Variants in NOS1AP observed in about 807,000 individuals in gnomAD.
NOS1AP encodes the protein carboxyl-terminal PDZ ligand of neuronal nitric oxide synthase protein.
In NOS1AP, 21 loss-of-function variants were observed where a neutral mutation model predicts 56.2. That is an observed-to-expected ratio of 0.37 (90% CI 0.26 to 0.54). NOS1AP has a LOEUF of 0.54. Ranked by LOEUF, NOS1AP falls within the 20% of genes least tolerant of loss-of-function variation. The pLI is 0.84. For synonymous variants in NOS1AP, 270 were observed against 274.6 expected, an observed-to-expected ratio of 0.98 and a Z score of 0.17; for missense variants, 522 against 657.8, an observed-to-expected ratio of 0.79 and a Z score of 2.26.
chr1:162,259,948 A>G lies in NOS1AP; in HGVS notation c.178-27396A>G, dbSNP rs148452436. Among the ~76,000 whole-genome samples the G allele has an allele frequency of 4.6e-5, 7 of 152,136 alleles. No homozygotes were observed. In the East Asian group the frequency reaches 1.4e-3, roughly 29 times the overall value. On this transcript the variant is annotated intron_variant, in intron 2 of 9. Coordinates refer to ENST00000361897, the MANE Select transcript of NOS1AP (RefSeq NM_014697.3). ...ATACTCTCAAAAAGCATATTATCTA[A>G]CAGCTTACTTATTCCAATCAATTGT...
At chr1:162,251,078 G>T (rs1194420870) in intron 2 of NOS1AP, among the ~76,000 whole-genome samples, 3 of 151,844 alleles carry the variant, frequency 2.0e-5, no homozygotes, top group Non-Finnish European at 1.5e-5. Context: ...TTGTTTGTTT[G>T]TTTGTTTGTT....
rs982179682 is a variant in NOS1AP at position 162,248,955 on chromosome 1, T to C, written c.178-38389T>C. ...CCTTTTATCAAGGGGTGATGGACAA[T>C]AGATGATAGCAACAGTTTCTATGGT... On this transcript the variant is annotated intron_variant, in intron 2 of 9. Transcript: ENST00000361897. Among the ~76,000 whole-genome samples, 6 of 152,028 alleles carry C rather than the reference T, an allele frequency of 3.9e-5. No homozygotes were observed. In the East Asian group the frequency reaches 7.7e-4, roughly 20 times the overall value.
At chr1:162,120,875 A>G (rs1249270771) in intron 1 of NOS1AP, among the ~76,000 whole-genome samples, 1 of 152,176 alleles carries the variant, frequency 6.6e-6, no homozygotes, top group Non-Finnish European at 1.5e-5. Context: ...GATATTTACA[A>G]AAGTGTAGAT....
chr1:162,313,264 A>G (rs1462432180), intron 4 of NOS1AP, among the ~76,000 whole-genome samples: 1 of 152,230 alleles, frequency 6.6e-6, no homozygotes, highest in African/African-American at 2.4e-5. Flanking sequence ...GGTGAGGCAT[A>G]AGTTTTAAAA....
intron 2 of NOS1AP, among the ~76,000 whole-genome samples, chr1:162,201,309 C>CATATCCTTTAGTCTAGACTAATG (rs1425459494): frequency 1.3e-5 from 2 of 152,140 alleles, no homozygotes; most frequent in South Asian, 2.1e-4. Context: ...TGTAGTCTAT[C>CATATCCTTTAGTCTAGACTAATG]ATATCCTTTA....
rs534828786 is a variant in NOS1AP, at chr1:162,194,847, G to T, written c.177+40371G>T. Among the ~76,000 whole-genome samples, 4 of 152,190 alleles carry T rather than the reference G, an allele frequency of 2.6e-5. No individual in the cohort carries two copies. The South Asian group carries it at 8.3e-4, about 32-fold the overall frequency. ...ATTCTAGGAGAGCCATTTGAAATTGGGTTGGCACATTCAGTCCTGAAAAAG... is the reference window on the plus strand; with the variant it reads ...ATTCTAGGAGAGCCATTTGAAATTGTGTTGGCACATTCAGTCCTGAAAAAG... On this transcript the variant is annotated intron_variant, in intron 2 of 9. Coordinates refer to ENST00000361897, the MANE Select transcript of NOS1AP (RefSeq NM_014697.3).
chr1:162,283,496 G>A (rs1654997794), intron 2 of NOS1AP, among the ~76,000 whole-genome samples: 1 of 152,132 alleles, frequency 6.6e-6, no homozygotes, highest in Admixed American at 6.5e-5. Flanking sequence ...TGGGGTGTCA[G>A]GAGATGATTA....
chr1:162,300,384 C>T (rs1393843882), intron 3 of NOS1AP, among the ~76,000 whole-genome samples: 28 of 152,182 alleles, frequency 1.8e-4, no homozygotes, highest in Admixed American at 1.8e-3. Context: ...CCCCGAGTTC[C>T]CTAAGGACTT....
intron 3 of NOS1AP, among the ~76,000 whole-genome samples, chr1:162,293,376 T>A (rs2101745652): frequency 6.6e-6 from 1 of 152,358 alleles, no homozygotes; most frequent in African/African-American, 2.4e-5. Flanking sequence ...TACTTTAGCA[T>A]TCCTGAGGAA....
intron 2 of NOS1AP, among the ~76,000 whole-genome samples, chr1:162,231,183 G>T (rs1448991493): frequency 1.3e-5 from 2 of 152,146 alleles, no homozygotes; most frequent in African/African-American, 4.8e-5. Flanking sequence ...GCATCCTAAT[G>T]GATGTAAAGT....
At chr1:162,209,820 G>C (rs1429773940) in intron 2 of NOS1AP, among the ~76,000 whole-genome samples, 1 of 152,030 alleles carries the variant, frequency 6.6e-6, no homozygotes, top group Non-Finnish European at 1.5e-5. Flanking sequence ...GCAGAACCAG[G>C]CAATTGAAAA....
intron 5 of NOS1AP, among the ~76,000 whole-genome samples, chr1:162,341,771 G>A (rs1389883303): frequency 1.3e-5 from 2 of 152,196 alleles, no homozygotes; most frequent in Non-Finnish European, 2.9e-5. Context: ...GGGAATAACA[G>A]TTTCGGATGT....
chr1:162,273,600 C>T (rs1359886650), intron 2 of NOS1AP, among the ~76,000 whole-genome samples: 6 of 152,224 alleles, frequency 3.9e-5, no homozygotes, highest in Admixed American at 3.9e-4. Context: ...ATTCACTCCA[C>T]CTGAGGAGGA....
chr1:162,249,103 C>T (rs901375002), intron 2 of NOS1AP, among the ~76,000 whole-genome samples: 5 of 152,114 alleles, frequency 3.3e-5, no homozygotes, highest in Admixed American at 2.0e-4. Flanking sequence ...CAAGCTCTCC[C>T]GGGGTTTGGC....
At chr1:162,224,972 C>A (rs558963609) in intron 2 of NOS1AP, among the ~76,000 whole-genome samples, 4 of 152,302 alleles carry the variant, frequency 2.6e-5, no homozygotes, top group African/African-American at 9.6e-5. Flanking sequence ...GAAAAAGAAG[C>A]ATCTCAGTAA....
Position 162,305,631 on chromosome 1 carries a change from T to A in NOS1AP, c.344+4925T>A, listed in dbSNP as rs1265741428. 2.0e-5 allele frequency among the ~76,000 whole-genome samples: 3 copies of A among 152,336 alleles called. No homozygotes were observed. The East Asian group carries it at 5.8e-4, about 29-fold the overall frequency. ...GACTTCTTAATTTCAGAAAACAGTA[T>A]TTCCTCTTTAAAATATTAGCGTTTA... On this transcript the variant is annotated intron_variant, in intron 4 of 9. Transcript: ENST00000361897.
At chr1:162,309,454 AAT>A (rs1446404274) in intron 4 of NOS1AP, among the ~76,000 whole-genome samples, 3 of 152,262 alleles carry the variant, frequency 2.0e-5, no homozygotes, top group African/African-American at 7.2e-5. Flanking sequence ...TATCTTTAAG[AAT>A]ATGCTAAGTT....
At chr1:162,300,577 C>A in intron 3 of NOS1AP, 56 bp from the exon 4 acceptor site, 2 of 1,452,612 alleles carry the variant, frequency 1.4e-6, no homozygotes, top group Non-Finnish European at 1.9e-6. Context: ...GTATGCATAG[C>A]TCAGTGTGTG....
intron 1 of NOS1AP, among the ~76,000 whole-genome samples, chr1:162,070,940 T>C (rs912554699): frequency 1.3e-5 from 2 of 152,040 alleles, no homozygotes; most frequent in Non-Finnish European, 2.9e-5. Flanking sequence ...TTAGCAGAGA[T>C]GACTGGAATT....
Sources: gnomAD v4.1 joint callset for allele counts (sites outside exome capture counted in the v4.1 genomes callset) on GRCh38, gnomAD v4.1.1 for gene constraint, MANE v1.5 for transcripts, NCBI Gene and HGNC (gene_info 2026-07-23, HGNC 2026-07-21) for gene names.